NRXN3: variants seen among roughly 807,000 people sequenced by gnomAD.
The protein encoded by NRXN3 is neurexin 3.
A neutral mutation model predicts 137.6 loss-of-function variants in NRXN3; 32 were observed. The ratio of observed to expected loss-of-function variants is 0.23; its 90% CI spans 0.18 to 0.31. The LOEUF (loss-of-function observed/expected upper bound fraction) is 0.31, where lower values mean the gene tolerates loss of function less well. Ranked by LOEUF, NRXN3 falls within the 10% of genes least tolerant of loss-of-function variation. The probability of loss-of-function intolerance (pLI) is 1.00; values close to 1 mark genes in which losing one functional copy is unlikely to be tolerated. For synonymous variants in NRXN3, 798 were observed against 784.5 expected (o/e 1.02, Z -0.29); for missense variants, 1,574 against 2,062.5 (o/e 0.76, Z 4.59).
intron 16 of NRXN3, among the ~76,000 whole-genome samples, chr14:79,537,617 G>A (rs2097224797): frequency 6.6e-6 from 1 of 152,144 alleles, no homozygotes; most frequent in Admixed American, 6.5e-5. Flanking sequence ...CAAAGGACAT[G>A]AACTCATCAT....
At chr14:78,680,083 C>T (rs989893910) in intron 6 of NRXN3, among the ~76,000 whole-genome samples, 2 of 151,920 alleles carry the variant, frequency 1.3e-5, no homozygotes, top group African/African-American at 4.8e-5. Context: ...TATGCATATA[C>T]ATGGATGGAA....
chr14:79,852,952 A>T (rs972724699), intron 20 of NRXN3, among the ~76,000 whole-genome samples: 15 of 152,100 alleles, frequency 9.9e-5, no homozygotes, highest in African/African-American at 3.4e-4. Context: ...TGAGAAAAAA[A>T]GTTATGAATT....
chr14:79,217,911 A>T (rs1282671793), intron 15 of NRXN3, among the ~76,000 whole-genome samples: 1 of 152,222 alleles, frequency 6.6e-6, no homozygotes, highest in Non-Finnish European at 1.5e-5. Context: ...AATTTTATCA[A>T]TAAGATCTAA....
intron 10 of NRXN3, among the ~76,000 whole-genome samples, chr14:78,822,012 A>C (rs2098952257): frequency 1.3e-5 from 2 of 152,196 alleles, no homozygotes; most frequent in African/African-American, 4.8e-5. Context: ...ATCTGATAGA[A>C]AACACAAGGA....
chr14:79,103,744 G>C (rs2051810716), intron 15 of NRXN3, among the ~76,000 whole-genome samples: 2 of 152,154 alleles, frequency 1.3e-5, no homozygotes, highest in Admixed American at 6.5e-5. Context: ...GGGCCTGCCT[G>C]TGTCTCCAGC....
At chr14:78,238,154 C>A (rs1330416078) in intron 1 of NRXN3, among the ~76,000 whole-genome samples, 1 of 122,192 alleles carries the variant, frequency 8.2e-6, no homozygotes, top group Non-Finnish European at 1.8e-5. Context: ...CCCCACCACA[C>A]CACCCTGCCC....
intron 11 of NRXN3, among the ~76,000 whole-genome samples, chr14:78,960,207 GC>G (rs2099405405): frequency 6.6e-6 from 1 of 152,144 alleles, no homozygotes; most frequent in Admixed American, 6.5e-5. Flanking sequence ...GAAGAAAGCA[GC>G]CAGAAGGATA....
intron 4 of NRXN3, among the ~76,000 whole-genome samples, chr14:78,309,893 A>G (rs1284720308): frequency 6.6e-6 from 1 of 152,066 alleles, no homozygotes; most frequent in East Asian, 1.9e-4. Context: ...TTTTAAGTAC[A>G]TTTTCTATTT....
At chr14:78,413,453 T>C (rs1036749094) in intron 4 of NRXN3, among the ~76,000 whole-genome samples, 4 of 152,088 alleles carry the variant, frequency 2.6e-5, no homozygotes, top group Non-Finnish European at 4.4e-5. Flanking sequence ...GCCCGGCTAA[T>C]TTTCTATTTT....
At chr14:78,199,283 G>A (rs2153389735) in intron 1 of NRXN3, among the ~76,000 whole-genome samples, 1 of 152,066 alleles carries the variant, frequency 6.6e-6, no homozygotes, top group Non-Finnish European at 1.5e-5. Context: ...GTCTGCAGAG[G>A]CCCATTTAGA....
intron 6 of NRXN3, among the ~76,000 whole-genome samples, chr14:78,699,948 C>A (rs769853843): frequency 6.6e-5 from 10 of 152,142 alleles, no homozygotes; most frequent in Non-Finnish European, 1.0e-4. Flanking sequence ...GTGTTTATGA[C>A]GCTTAGTTTA....
chr14:78,761,298 G>A (rs908045034), intron 8 of NRXN3, among the ~76,000 whole-genome samples: 8 of 152,108 alleles, frequency 5.3e-5, no homozygotes, highest in Non-Finnish European at 1.0e-4. Context: ...GATTTTGACT[G>A]GTAATATCAG....
rs539983573 is a variant in NRXN3, at chr14:79,086,122, G to T, written c.3262+97981G>T. Among the ~76,000 whole-genome samples, 4 of 152,214 alleles carry T rather than the reference G, an allele frequency of 2.6e-5. No homozygotes were observed. In the East Asian group the frequency reaches 7.7e-4, roughly 29 times the overall value. Reference sequence around the variant, plus strand: ...TATAAACACTTGGTGGCTTGGTATTGGGGGCAGAGAGCTTCCGGTAGGATG... The same window carrying T: ...TATAAACACTTGGTGGCTTGGTATTTGGGGCAGAGAGCTTCCGGTAGGATG... On this transcript the variant is annotated intron_variant, in intron 15 of 20. Coordinates refer to ENST00000335750, the MANE Select transcript of NRXN3 (RefSeq NM_001330195.2).
chr14:79,632,044 C>T (rs1167677952), intron 16 of NRXN3, among the ~76,000 whole-genome samples: 1 of 152,078 alleles, frequency 6.6e-6, no homozygotes, highest in Non-Finnish European at 1.5e-5. Flanking sequence ...TGGTGGGTCT[C>T]CTTCCACACT....
chr14:78,419,645 G>A (rs774827283), intron 4 of NRXN3, among the ~76,000 whole-genome samples: 26 of 152,266 alleles, frequency 1.7e-4, no homozygotes, highest in Non-Finnish European at 3.2e-4. Flanking sequence ...CAAAGACCAC[G>A]TGGCAATTAG....
intron 6 of NRXN3, among the ~76,000 whole-genome samples, chr14:78,693,945 G>C (rs1333547796): frequency 6.6e-6 from 1 of 151,426 alleles, no homozygotes; most frequent in Non-Finnish European, 1.5e-5. Flanking sequence ...TTGCTCTTGA[G>C]ACTACACATA....
intron 15 of NRXN3, among the ~76,000 whole-genome samples, chr14:79,032,072 T>C (rs1428642633): frequency 6.6e-6 from 1 of 152,198 alleles, no homozygotes; most frequent in African/African-American, 2.4e-5. Context: ...CTCTTCTCTC[T>C]AGTGCAGGAT....
intron 15 of NRXN3, among the ~76,000 whole-genome samples, chr14:79,360,723 T>A (rs2093654616): frequency 6.6e-6 from 1 of 152,202 alleles, no homozygotes; most frequent in Admixed American, 6.5e-5. Context: ...TTATTTTTCT[T>A]AGGTAAACAT....
At chr14:78,621,220 T>G (rs1441176740) in intron 4 of NRXN3, among the ~76,000 whole-genome samples, 1 of 152,178 alleles carries the variant, frequency 6.6e-6, no homozygotes, top group East Asian at 1.9e-4. Context: ...TCATTTTTTT[T>G]CTAGATGAGA....
Sources: gnomAD v4.1 joint callset for allele counts (sites outside exome capture counted in the v4.1 genomes callset) on GRCh38, gnomAD v4.1.1 for gene constraint, MANE v1.5 for transcripts, NCBI Gene and HGNC (gene_info 2026-07-23, HGNC 2026-07-21) for gene names.